CASD1: variants seen among roughly 807,000 people sequenced by gnomAD.
The protein encoded by CASD1 is N-acetylneuraminate (7)9-O-acetyltransferase.
A neutral mutation model predicts 100.0 loss-of-function variants in CASD1; 41 were observed. That is an observed-to-expected ratio of 0.41 (90% confidence interval 0.32 to 0.53). The LOEUF is 0.53. CASD1 is among the 20% of genes least tolerant of loss of function. CASD1 has a pLI of 0.25. For synonymous variants in CASD1, 321 were observed against 315.6 expected, an observed-to-expected ratio of 1.02 and a Z score of -0.18; for missense variants, 774 against 948.7, an observed-to-expected ratio of 0.82 and a Z score of 2.42.
intron 5 of CASD1, among the ~76,000 whole-genome samples, chr7:94,532,657 A>G (rs865879900): frequency 6.6e-6 from 1 of 152,218 alleles, no homozygotes; most frequent in Non-Finnish European, 1.5e-5. Context: ...AATGGGGGGA[A>G]ATACTCTAAT....
chr7:94,546,708 T>C (rs1795699663), intron 12 of CASD1, among the ~76,000 whole-genome samples: 1 of 151,978 alleles, frequency 6.6e-6, no homozygotes, highest in Non-Finnish European at 1.5e-5. Context: ...GGAACTTTAA[T>C]GTTTAAGCAA....
At chr7:94,605,787 CAAACAGA>C in the CASD1 span, among the ~76,000 whole-genome samples, 2 of 151,936 alleles carry the variant, frequency 1.3e-5, no homozygotes, top group African/African-American at 4.8e-5. Context: ...ACAAAGGCAA[CAAACAGA>C]AAACAGTAAC....
rs1430196053 is a variant in CASD1, at chr7:94,510,053, C to A, written c.-32C>A. 2 of 1,478,252 alleles carry A rather than the reference C, an allele frequency of 1.4e-6. No individual in the cohort carries two copies. The highest frequency in any genetic ancestry group is 5.8e-5 in the East Asian group (2 of 34,754). The allele number at this position is 1,478,252 out of a possible 1,614,324, so 91.6% of individuals were successfully genotyped here. A position where few individuals can be genotyped will look rare whatever the true frequency, so the allele number is the denominator to read the frequency against. On this transcript the variant is annotated 5_prime_UTR_variant, in exon 1 of 18. Coordinates refer to ENST00000297273, the MANE Select transcript of CASD1 (RefSeq NM_022900.5). The stretch of plus-strand genomic sequence containing the variant: ...CCCTGTGCGGCGCCCCTTTCCCGCT[C>A]CGCCGCGCACTGTTGTCATGGAGGA...
At chr7:94,588,887 G>GTGCTAA in the CASD1 span, 1 of 755,370 alleles carries the variant, frequency 1.3e-6, no homozygotes. Context: ...TTACAGATGA[G>GTGCTAA]GAAACTGAGG....
the CASD1 span, chr7:94,628,406 C>T: frequency 1.3e-6 from 2 of 1,494,672 alleles, no homozygotes; most frequent in African/African-American, 1.4e-5. Context: ...TATTTTCACA[C>T]ATGTTGCTTT....
intron 11 of CASD1, among the ~76,000 whole-genome samples, chr7:94,544,933 A>G (rs910590156): frequency 5.3e-5 from 8 of 152,088 alleles, no homozygotes; most frequent in African/African-American, 1.9e-4. Flanking sequence ...TTGAGTTGTT[A>G]TCTTTATATT....
the CASD1 span, among the ~76,000 whole-genome samples, chr7:94,567,199 G>A: frequency 3.1e-4 from 47 of 150,894 alleles, no homozygotes; most frequent in African/African-American, 1.1e-3. Flanking sequence ...ATTTTGCTTC[G>A]TGATTGTCAG....
At chr7:94,562,177 G>A in the CASD1 span, among the ~76,000 whole-genome samples, 43 of 152,212 alleles carry the variant, frequency 2.8e-4, no homozygotes, top group East Asian at 7.7e-3. Context: ...TATGTTTGCC[G>A]ATAAGAAGCA....
chr7:94,624,361 C>T, the CASD1 span: 14 of 395,846 alleles, frequency 3.5e-5, no homozygotes, highest in African/African-American at 2.5e-4. Flanking sequence ...AAATAAGTTG[C>T]AGTCATTGAA....
intron 8 of CASD1, among the ~76,000 whole-genome samples, chr7:94,536,123 A>G (rs1795106719): frequency 6.6e-6 from 1 of 152,076 alleles, no homozygotes; most frequent in Non-Finnish European, 1.5e-5. Flanking sequence ...CACGCTTGTA[A>G]TCCCAGCTAC....
downstream of CASD1, among the ~76,000 whole-genome samples, chr7:94,558,899 A>T (rs542695714): frequency 6.6e-6 from 1 of 152,188 alleles, no homozygotes; most frequent in South Asian, 2.1e-4. Flanking sequence ...TCCTGGGTTC[A>T]AGCAATTCTC....
chr7:94,580,515 TC>T, the CASD1 span, among the ~76,000 whole-genome samples: 1 of 152,236 alleles, frequency 6.6e-6, no homozygotes, highest in Non-Finnish European at 1.5e-5. Context: ...TTCTAATTAC[TC>T]AAGTAAGATA....
chr7:94,555,274 T>C (rs975501668), intron 17 of CASD1, among the ~76,000 whole-genome samples: 3 of 152,058 alleles, frequency 2.0e-5, no homozygotes, highest in Non-Finnish European at 2.9e-5. Flanking sequence ...TGTTCTATTA[T>C]TTTCTTTGGT....
chr7:94,537,646 A>C lies in CASD1; in HGVS notation c.1018A>C (p.Lys340Gln). The C allele has an allele frequency of 1.2e-6, 2 of 1,613,894 alleles. No homozygotes were observed. Among genetic ancestry groups the C allele is most frequent in the Non-Finnish European group, 1.7e-6 (2 of 1,179,892 alleles). ...FYIIHRNAHR[K>Q]NKPCTDLESG... ...CATAATTCATCGTAATGCTCATCGG[A>C]AGAATAAGCCGTGTACTGATTTGGA... The change falls in exon 9 of 18, where the codon AAG (lysine) becomes CAG (glutamine). Residue 340 changes from lysine to glutamine, a missense_variant. Physicochemically the swap from Lys to Gln is moderately conservative, Grantham distance 53 (BLOSUM62 1). Coordinates refer to ENST00000297273, the MANE Select transcript of CASD1 (RefSeq NM_022900.5).
At chr7:94,554,293 T>G in intron 16 of CASD1, 190 bp from the exon 17 acceptor site, 2 of 470,766 alleles carry the variant, frequency 4.2e-6, no homozygotes, top group Non-Finnish European at 7.6e-6. Context: ...GACCATGTGT[T>G]GAGAAATCCA....
At chr7:94,568,492 T>C in the CASD1 span, among the ~76,000 whole-genome samples, 69 of 152,064 alleles carry the variant, frequency 4.5e-4, no homozygotes, top group South Asian at 6.2e-4. Context: ...AGAAAAAAAT[T>C]TTTGCAAAGC....
At chr7:94,515,296 C>A (rs1793921604) in intron 1 of CASD1, among the ~76,000 whole-genome samples, 1 of 152,030 alleles carries the variant, frequency 6.6e-6, no homozygotes, top group Non-Finnish European at 1.5e-5. Flanking sequence ...GTTAAGTCAT[C>A]ATCAACTAGC....
intron 5 of CASD1, among the ~76,000 whole-genome samples, chr7:94,532,470 C>G (rs891195541): frequency 6.6e-6 from 1 of 152,048 alleles, no homozygotes; most frequent in African/African-American, 2.4e-5. Flanking sequence ...ATACCCTGGA[C>G]AAAGGGAGGA....
At chr7:94,523,349 A>G (rs1024155604) in intron 3 of CASD1, among the ~76,000 whole-genome samples, 1 of 152,232 alleles carries the variant, frequency 6.6e-6, no homozygotes, top group Non-Finnish European at 1.5e-5. Flanking sequence ...TGATAATAAG[A>G]TGTACATACA....
Sources: gnomAD v4.1 joint callset for allele counts (sites outside exome capture counted in the v4.1 genomes callset) on GRCh38, gnomAD v4.1.1 for gene constraint, MANE v1.5 for transcripts, NCBI Gene and HGNC (gene_info 2026-07-23, HGNC 2026-07-21) for gene names.